C12orf42: variants seen among roughly 807,000 people sequenced by gnomAD.
C12orf42 encodes uncharacterized protein C12orf42.
A neutral mutation model predicts 21.6 loss-of-function variants in C12orf42; 25 were observed. The ratio of observed to expected loss-of-function variants is 1.16; its 90% CI spans 0.84 to 1.62. C12orf42 has a LOEUF of 1.62. C12orf42 is among the 40% of genes most tolerant of loss of function. The pLI is 0.00. For synonymous variants in C12orf42, 174 were observed against 175.0 expected (o/e 0.99, Z 0.05); for missense variants, 483 against 459.3 (o/e 1.05, Z -0.47).
chr12:103,525,932 CAGG>C, the C12orf42 span, among the ~76,000 whole-genome samples: 1 of 152,154 alleles, frequency 6.6e-6, no homozygotes, highest in Non-Finnish European at 1.5e-5. Context: ...GAGGCTGAGG[CAGG>C]AGAATTGCTT....
At chr12:103,165,544 A>T in the C12orf42 span, among the ~76,000 whole-genome samples, 1 of 152,228 alleles carries the variant, frequency 6.6e-6, no homozygotes, top group African/African-American at 2.4e-5. Context: ...TAGAGACTCA[A>T]ATTCACATAA....
intron 1 of C12orf42, among the ~76,000 whole-genome samples, chr12:103,484,820 G>C (rs1233139006): frequency 6.8e-6 from 1 of 146,294 alleles, no homozygotes; most frequent in Non-Finnish European, 1.5e-5. Context: ...AATCTATCTT[G>C]AATTAATTTT....
At chr12:103,440,197 G>A (rs1442053218) in intron 2 of C12orf42, among the ~76,000 whole-genome samples, 1 of 142,212 alleles carries the variant, frequency 7.0e-6, no homozygotes, top group South Asian at 2.3e-4. Context: ...TCATAGGTGG[G>A]AACTGAACAA....
chr12:103,066,745 C>A, the C12orf42 span, among the ~76,000 whole-genome samples: 2 of 152,162 alleles, frequency 1.3e-5, no homozygotes, highest in African/African-American at 4.8e-5. Context: ...AAATTGGTGA[C>A]AAGGAAATTT....
chr12:103,312,387 G>A (rs77094015), intron 4 of C12orf42, among the ~76,000 whole-genome samples: 3,257 of 152,274 alleles, frequency 0.021, 116 homozygotes, highest in African/African-American at 0.073. Context: ...CATTGGCCAG[G>A]CCCTGCTCTA....
At chr12:103,196,681 T>C in the C12orf42 span, among the ~76,000 whole-genome samples, 8 of 152,194 alleles carry the variant, frequency 5.3e-5, no homozygotes, top group Admixed American at 3.9e-4. Flanking sequence ...ATACCCTTAT[T>C]TGTCCTTTTA....
intron 2 of C12orf42, among the ~76,000 whole-genome samples, chr12:103,411,091 A>G (rs993962776): frequency 1.2e-4 from 18 of 152,218 alleles, no homozygotes; most frequent in Admixed American, 9.2e-4. Flanking sequence ...GAAAAATACT[A>G]GAGAGCAGTT....
the C12orf42 span, chr12:103,558,715 C>G: frequency 6.6e-6 from 1 of 152,112 alleles, no homozygotes; most frequent in African/African-American, 2.4e-5. Context: ...TACGGTGGGC[C>G]AGGCCTAGAC....
chr12:103,409,131 C>T (rs1593868426), intron 2 of C12orf42, among the ~76,000 whole-genome samples: 1 of 152,288 alleles, frequency 6.6e-6, no homozygotes, highest in East Asian at 1.9e-4. Context: ...CCTTAACTAA[C>T]ATATGCTAAC....
intron 3 of C12orf42, among the ~76,000 whole-genome samples, chr12:103,389,735 G>A (rs2046911113): frequency 6.6e-6 from 1 of 152,158 alleles, no homozygotes; most frequent in African/African-American, 2.4e-5. Flanking sequence ...GGGGCAGGGG[G>A]CTCCTCAGTG....
chr12:103,079,737 C>T, the C12orf42 span, among the ~76,000 whole-genome samples: 1 of 152,316 alleles, frequency 6.6e-6, no homozygotes, highest in East Asian at 1.9e-4. Context: ...GGGACTCAGG[C>T]TGACAGAAGC....
chr12:103,444,071 C>T (rs1401835902), intron 2 of C12orf42, among the ~76,000 whole-genome samples: 2 of 151,790 alleles, frequency 1.3e-5, no homozygotes, highest in Non-Finnish European at 2.9e-5. Flanking sequence ...TTGTTTTTTA[C>T]AAAAATTAAT....
At chr12:103,096,233 T>C in the C12orf42 span, among the ~76,000 whole-genome samples, 1 of 152,340 alleles carries the variant, frequency 6.6e-6, no homozygotes, top group Admixed American at 6.5e-5. Context: ...ACAAGGTTTG[T>C]AAAGGCATAC....
At position 103,316,145 on chromosome 12, in the gene C12orf42, G is replaced by GTA. The variant is rs138297883; in HGVS notation, c.260-9802_260-9801dup. On this transcript the variant is annotated intron_variant, in intron 4 of 5. Coordinates refer to ENST00000548883, the MANE Select transcript of C12orf42 (RefSeq NM_198521.5). Reference sequence around the variant, plus strand: ...CACACACACAGTACTATATAGTACTGTATATATATATACTGATACCAATAT... The same window carrying GTA: ...CACACACACAGTACTATATAGTACTGTATATATATATATACTGATACCAATAT... Among the ~76,000 whole-genome samples the GTA allele has an allele frequency of 8.5e-3, 1,272 of 148,820 alleles. 9 individuals are homozygous for GTA. Among genetic ancestry groups the GTA allele is most frequent in the African/African-American group, 0.029 (1,167 of 40,414 alleles).
rs561721516 is a variant in C12orf42, at chr12:103,494,530, G to T, written c.-22+1372C>A. Among the ~76,000 whole-genome samples the T allele has an allele frequency of 2.4e-3, 359 of 151,402 alleles. 3 individuals carry two copies. Among genetic ancestry groups the T allele is most frequent in the African/African-American group, 8.1e-3 (333 of 41,326 alleles). ...ATAAAAAGGAGGAGGATGGGTGGGG[G>T]TTTTTTAAGCACTCTATGTGGCAGA... On this transcript the variant is annotated intron_variant, in intron 1 of 5. Coordinates refer to ENST00000548883, the MANE Select transcript of C12orf42 (RefSeq NM_198521.5).
At chr12:103,286,361 C>T (rs1210615452) in intron 4 of C12orf42, among the ~76,000 whole-genome samples, 6 of 151,596 alleles carry the variant, frequency 4.0e-5, no homozygotes, top group African/African-American at 1.5e-4. Flanking sequence ...AGTGGAGTTA[C>T]TAGCACAATT....
At chr12:103,181,632 G>A in the C12orf42 span, among the ~76,000 whole-genome samples, 5 of 152,330 alleles carry the variant, frequency 3.3e-5, no homozygotes, top group South Asian at 8.3e-4. Context: ...GAGCTCCAAC[G>A]AGGTTAGTTT....
chr12:103,487,715 T>G (rs1364201809), intron 1 of C12orf42, among the ~76,000 whole-genome samples: 1 of 152,204 alleles, frequency 6.6e-6, no homozygotes, highest in Non-Finnish European at 1.5e-5. Context: ...TATAATGGCC[T>G]TCTTTGTCTC....
At chr12:103,256,893 T>C (rs1240154355) in intron 10 of C12orf42, among the ~76,000 whole-genome samples, 3 of 152,192 alleles carry the variant, frequency 2.0e-5, no homozygotes, top group Non-Finnish European at 4.4e-5. Context: ...GACATTCCCT[T>C]TTTCTCCACA....
Sources: gnomAD v4.1 joint callset for allele counts (sites outside exome capture counted in the v4.1 genomes callset) on GRCh38, gnomAD v4.1.1 for gene constraint, MANE v1.5 for transcripts, NCBI Gene and HGNC (gene_info 2026-07-23, HGNC 2026-07-21) for gene names.